The following ADAMTSL3 variants were observed in gnomAD, a reference collection of about 807,000 sequenced individuals.
The protein encoded by ADAMTSL3 is ADAMTS-like protein 3.
A neutral mutation model predicts 201.7 loss-of-function variants in ADAMTSL3; 128 were observed. The observed-to-expected ratio is 0.63, with a 90% CI of 0.55 to 0.73. The LOEUF (loss-of-function observed/expected upper bound fraction) is 0.73. ADAMTSL3 is among the 30% of genes least tolerant of loss of function. ADAMTSL3 has a pLI of 0.00. For synonymous variants in ADAMTSL3, 738 were observed against 748.4 expected (o/e 0.99, Z 0.23); for missense variants, 1,990 against 2,119.6 (o/e 0.94, Z 1.20).
At chr15:83,779,587 A>G (rs1022475242) in intron 4 of ADAMTSL3, among the ~76,000 whole-genome samples, 29 of 150,886 alleles carry the variant, frequency 1.9e-4, no homozygotes, top group African/African-American at 6.8e-4. Flanking sequence ...AGTCCCAGCT[A>G]CTCTGGAGGC....
chr15:83,968,968 G>T lies in ADAMTSL3; in HGVS notation c.2491-1516G>T, dbSNP rs140455375. On this transcript the variant is annotated intron_variant, in intron 19 of 29. Transcript: ENST00000286744. ...AGTTGAACAATGAGAACACATGGAC[G>T]CAGGAAGGGGAACATCACACACTGG... 4.7e-3 allele frequency among the ~76,000 whole-genome samples: 711 copies of T among 152,126 alleles called. 2 individuals are homozygous for T. The highest frequency in any genetic ancestry group is 7.6e-3 in the Non-Finnish European group (514 of 67,990).
chr15:83,982,228 A>T, intron 20 of ADAMTSL3, 45 bp from the exon 21 acceptor site: 3 of 1,451,544 alleles, frequency 2.1e-6, no homozygotes, highest in Non-Finnish European at 1.9e-6. Context: ...TATTTTTGAG[A>T]TGTTTATTCG....
chr15:83,973,222 A>G (rs989548663), intron 20 of ADAMTSL3, among the ~76,000 whole-genome samples: 2 of 152,110 alleles, frequency 1.3e-5, no homozygotes, highest in Non-Finnish European at 2.9e-5. Flanking sequence ...GGCACTCAGA[A>G]TTAGCTTCTT....
At chr15:83,963,211 T>C (rs1039604052) in intron 19 of ADAMTSL3, among the ~76,000 whole-genome samples, 1 of 152,058 alleles carries the variant, frequency 6.6e-6, no homozygotes, top group African/African-American at 2.4e-5. Flanking sequence ...CAGGCCTAGC[T>C]CAGCAGATCC....
At chr15:83,714,973 T>C (rs1355515284) in intron 3 of ADAMTSL3, among the ~76,000 whole-genome samples, 1 of 148,350 alleles carries the variant, frequency 6.7e-6, no homozygotes, top group Admixed American at 6.9e-5. Context: ...GAATTTTTTT[T>C]CTTATAGCAT....
intron 19 of ADAMTSL3, among the ~76,000 whole-genome samples, chr15:83,969,295 G>A (rs141329638): frequency 2.0e-5 from 3 of 152,122 alleles, no homozygotes; most frequent in Non-Finnish European, 4.4e-5. Context: ...AATACAAAAA[G>A]TAGCAGGGTG....
At chr15:83,675,012 T>C (rs2061383641) in intron 2 of ADAMTSL3, among the ~76,000 whole-genome samples, 1 of 151,834 alleles carries the variant, frequency 6.6e-6, no homozygotes, top group Non-Finnish European at 1.5e-5. Flanking sequence ...TGATGGTAAA[T>C]GGTGGTGGGT....
chr15:83,908,240 A>G (rs2401174), intron 15 of ADAMTSL3, among the ~76,000 whole-genome samples: 95,376 of 152,098 alleles, frequency 0.63, 31,006 homozygotes, highest in African/African-American at 0.79. Context: ...CAGCTGTTGT[A>G]TACCCTTTGG....
intron 3 of ADAMTSL3, among the ~76,000 whole-genome samples, chr15:83,741,909 G>A (rs925219162): frequency 6.6e-6 from 1 of 152,112 alleles, no homozygotes; most frequent in African/African-American, 2.4e-5. Context: ...GCTGCAGTGA[G>A]CCATGATCAT....
intron 15 of ADAMTSL3, among the ~76,000 whole-genome samples, chr15:83,907,444 C>T (rs1269985136): frequency 1.3e-5 from 2 of 152,188 alleles, no homozygotes; most frequent in African/African-American, 4.8e-5. Flanking sequence ...CGCTCTGTCA[C>T]CCAGGCTGGA....
At chr15:84,007,275 A>G (rs2067912393) in intron 23 of ADAMTSL3, among the ~76,000 whole-genome samples, 1 of 152,214 alleles carries the variant, frequency 6.6e-6, no homozygotes, top group African/African-American at 2.4e-5. Flanking sequence ...ACCACCTCGA[A>G]CTGGCTTAAG....
chr15:83,924,125 T>G, intron 17 of ADAMTSL3, 92 bp downstream of exon 17: 1 of 1,486,236 alleles, frequency 6.7e-7, no homozygotes, highest in Non-Finnish European at 9.1e-7. Flanking sequence ...ACTTGTGGCT[T>G]CACCCAAGGT....
intron 15 of ADAMTSL3, among the ~76,000 whole-genome samples, chr15:83,900,796 A>T (rs996458362): frequency 6.6e-6 from 1 of 152,328 alleles, no homozygotes; most frequent in African/African-American, 2.4e-5. Context: ...AGCAGAAAAA[A>T]AAATACATCT....
chr15:83,786,211 A>T (rs1208734292), intron 4 of ADAMTSL3, among the ~76,000 whole-genome samples: 2 of 152,112 alleles, frequency 1.3e-5, no homozygotes, highest in Non-Finnish European at 2.9e-5. Flanking sequence ...TCCTGACCTC[A>T]AGTGATCCAC....
At chr15:83,891,267 T>A in intron 11 of ADAMTSL3, 62 bp from the exon 12 acceptor site, 1 of 1,325,568 alleles carries the variant, frequency 7.5e-7, no homozygotes, top group East Asian at 2.3e-5. Context: ...ATTATATTCG[T>A]CAATTAATGA....
At chr15:83,909,476 A>G (rs1001163772) in intron 15 of ADAMTSL3, among the ~76,000 whole-genome samples, 1 of 152,206 alleles carries the variant, frequency 6.6e-6, no homozygotes, top group Non-Finnish European at 1.5e-5. Flanking sequence ...TGAAGAATCC[A>G]GTTATCTTCA....
intron 6 of ADAMTSL3, among the ~76,000 whole-genome samples, chr15:83,828,986 T>C (rs2064089087): frequency 6.7e-6 from 1 of 149,350 alleles, no homozygotes; most frequent in African/African-American, 2.4e-5. Context: ...TCTAAAATTC[T>C]CTTTTTTGGT....
chr15:83,768,718 A>G (rs2062930662), intron 3 of ADAMTSL3, among the ~76,000 whole-genome samples: 1 of 152,112 alleles, frequency 6.6e-6, no homozygotes, highest in Admixed American at 6.5e-5. Context: ...GCAAACATAC[A>G]TTTTCAGCAA....
chr15:83,823,207 A>AGAGGGG (rs1330783191), intron 6 of ADAMTSL3, among the ~76,000 whole-genome samples: 21,155 of 62,708 alleles, frequency 0.34, 6,078 homozygotes, highest in African/African-American at 0.68. Context: ...AGGGTGAGGG[A>AGAGGGG]GAGGGTGAGG....
Sources: allele counts gnomAD v4.1 joint callset (sites outside exome capture counted in the v4.1 genomes callset), GRCh38; gene constraint gnomAD v4.1.1; transcripts MANE v1.5; gene names NCBI Gene and HGNC (gene_info 2026-07-23, HGNC 2026-07-21).